Variants in RMST observed in about 807,000 individuals in gnomAD.
RMST encodes the protein long intergenic non-protein coding RNA 54.
exon 5 of RMST, chr12:97,465,712 C>T (rs190955892): frequency 1.3e-5 from 2 of 152,224 alleles, no homozygotes; most frequent in African/African-American, 2.4e-5. Flanking sequence ...AAGTGACATC[C>T]TCCTCGAATC....
In RMST at chr12:97,510,790, T is replaced by G. The variant is rs550094798; in HGVS notation, n.1340+14734T>G. ...AGTCAAAAATTTAAAACAATTCAAT[T>G]AATCACCAGTCTATTTTGACCCATT... On this transcript the variant is annotated intron_variant and non_coding_transcript_variant, in intron 10 of 13. Coordinates refer to ENST00000640149, the Ensembl canonical transcript of RMST. Among the ~76,000 whole-genome samples, 108 of 152,298 alleles carry G rather than the reference T, an allele frequency of 7.1e-4. 1 individual carries two copies. The highest frequency in any genetic ancestry group is 2.5e-3 in the African/African-American group (102 of 41,576).
intron 4 of RMST, among the ~76,000 whole-genome samples, chr12:97,463,925 A>T (rs1012896104): frequency 4.6e-5 from 7 of 152,148 alleles, no homozygotes; most frequent in Admixed American, 4.6e-4. Flanking sequence ...ACTGTAGAGG[A>T]TGAACACTTT....
chr12:97,557,100 T>A (rs938919578), intron 11 of RMST, among the ~76,000 whole-genome samples: 1 of 152,242 alleles, frequency 6.6e-6, no homozygotes, highest in African/African-American at 2.4e-5. Context: ...TGAAATTTTA[T>A]CTGTCTTGAT....
At chr12:97,519,769 T>TA (rs1178625151) in intron 10 of RMST, among the ~76,000 whole-genome samples, 1 of 152,220 alleles carries the variant, frequency 6.6e-6, no homozygotes, top group Non-Finnish European at 1.5e-5. Context: ...GCTATCTTCT[T>TA]ACTATAGTTA....
chr12:97,507,917 T>C (rs1878875830), intron 10 of RMST, among the ~76,000 whole-genome samples: 1 of 152,064 alleles, frequency 6.6e-6, no homozygotes, highest in Non-Finnish European at 1.5e-5. Flanking sequence ...TCTGTCAAAG[T>C]AGACACAAGG....
chr12:97,486,844 C>T (rs368992027), intron 5 of RMST, among the ~76,000 whole-genome samples: 9 of 152,102 alleles, frequency 5.9e-5, no homozygotes, highest in Admixed American at 2.0e-4. Context: ...CATTCTGGAA[C>T]GACTGTAATT....
chr12:97,508,048 G>T (rs1320605862), intron 10 of RMST, among the ~76,000 whole-genome samples: 1 of 152,134 alleles, frequency 6.6e-6, no homozygotes, highest in Non-Finnish European at 1.5e-5. Context: ...AGACAGGGTG[G>T]AGTAGTATCA....
intron 10 of RMST, among the ~76,000 whole-genome samples, chr12:97,508,826 C>T (rs1490537152): frequency 1.3e-5 from 2 of 152,122 alleles, no homozygotes; most frequent in Non-Finnish European, 2.9e-5. Context: ...AAAGTAGTAA[C>T]GTAGTGGGGT....
At chr12:97,531,813 T>C (rs1881648983) in intron 11 of RMST, among the ~76,000 whole-genome samples, 1 of 152,008 alleles carries the variant, frequency 6.6e-6, no homozygotes, top group Non-Finnish European at 1.5e-5. Flanking sequence ...ATTACTATTG[T>C]CTTTTGTGTT....
At chr12:97,512,121 G>T (rs769793546) in intron 10 of RMST, among the ~76,000 whole-genome samples, 2 of 152,086 alleles carry the variant, frequency 1.3e-5, no homozygotes, top group Admixed American at 6.5e-5. Context: ...CTGTCTGGCC[G>T]AGTCTGGCGG....
chr12:97,542,935 CCA>C (rs1882660207), intron 11 of RMST, among the ~76,000 whole-genome samples: 2 of 151,868 alleles, frequency 1.3e-5, no homozygotes, highest in African/African-American at 4.8e-5. Context: ...AATGAAGTTA[CCA>C]CAGTGTTCAC....
chr12:97,479,133 C>CTTTTT lies in RMST; in HGVS notation n.645-13308_645-13304dup, dbSNP rs386377507. The stretch of plus-strand genomic sequence containing the variant: ...TACTTTGGGTGTTTCCTTGTCTTTG[C>CTTTTT]TTTTTTTTTTTTTTTTTTTTTTTTG... On this transcript the variant is annotated intron_variant and non_coding_transcript_variant, in intron 5 of 13. Transcript: ENST00000640149. Among the ~76,000 whole-genome samples, 495 of 69,044 alleles carry CTTTTT rather than the reference C, an allele frequency of 7.2e-3. 35 individuals are homozygous for CTTTTT. Among genetic ancestry groups the CTTTTT allele is most frequent in the East Asian group, 0.017 (36 of 2,158 alleles). 45.3% of individuals were successfully genotyped at this position (69,044 alleles called of 152,430 possible).
At position 97,479,133 on chromosome 12, in the gene RMST, C is replaced by CTTTTTT. The variant is rs386377507; in HGVS notation, n.645-13309_645-13304dup. ...TACTTTGGGTGTTTCCTTGTCTTTG[C>CTTTTTT]TTTTTTTTTTTTTTTTTTTTTTTTG... On this transcript the variant is annotated intron_variant and non_coding_transcript_variant, in intron 5 of 13. Coordinates refer to ENST00000640149, the Ensembl canonical transcript of RMST. Among the ~76,000 whole-genome samples the CTTTTTT allele has an allele frequency of 1.7e-3, 116 of 69,052 alleles. 9 individuals are homozygous for CTTTTTT. Among genetic ancestry groups the CTTTTTT allele is most frequent in the African/African-American group, 4.5e-3 (73 of 16,112 alleles). The allele number at this position is 69,052 out of a possible 152,430, so 45.3% of individuals were successfully genotyped here.
intron 5 of RMST, among the ~76,000 whole-genome samples, chr12:97,488,793 A>T (rs922851853): frequency 3.3e-5 from 5 of 152,180 alleles, no homozygotes; most frequent in African/African-American, 1.2e-4. Flanking sequence ...GTAGCTCCAT[A>T]CAAGTGAGCA....
chr12:97,536,042 C>T (rs988823120), intron 11 of RMST, among the ~76,000 whole-genome samples: 11 of 151,454 alleles, frequency 7.3e-5, no homozygotes, highest in Admixed American at 1.3e-4. Context: ...ATTTTAAAGT[C>T]AGAGGCATCT....
At chr12:97,489,713 T>G (rs576958278) in intron 5 of RMST, among the ~76,000 whole-genome samples, 1 of 152,350 alleles carries the variant, frequency 6.6e-6, no homozygotes, top group South Asian at 2.1e-4. Context: ...ATTTTAATTG[T>G]TAATGCTTAG....
rs1421176645 is a variant in RMST at position 97,467,823 on chromosome 12, G to A, written n.644+2096G>A. ...TTGCCTGAATTTGGGAGAGGCGGGG[G>A]AAAGGCTAAAACCTGGTTCATTAGA... On this transcript the variant is annotated intron_variant and non_coding_transcript_variant, in intron 5 of 13. Transcript: ENST00000640149. 7.2e-5 allele frequency among the ~76,000 whole-genome samples: 11 copies of A among 152,124 alleles called. No homozygotes were observed. The East Asian group carries it at 2.1e-3, about 29-fold the overall frequency.
intron 9 of RMST, among the ~76,000 whole-genome samples, chr12:97,495,680 CT>C (rs1436817851): frequency 1.3e-5 from 2 of 151,902 alleles, no homozygotes; most frequent in African/African-American, 4.8e-5. Flanking sequence ...TATGATTTTC[CT>C]AAAATGTCGC....
chr12:97,539,422 T>G (rs752700288), intron 11 of RMST, among the ~76,000 whole-genome samples: 4 of 151,558 alleles, frequency 2.6e-5, no homozygotes. Flanking sequence ...ACCATTGAAT[T>G]CAGACACTAG....
Sources: allele counts gnomAD v4.1 joint callset (sites outside exome capture counted in the v4.1 genomes callset), GRCh38; gene constraint gnomAD v4.1.1; transcripts MANE v1.5; gene names NCBI Gene and HGNC (gene_info 2026-07-23, HGNC 2026-07-21).